Variants in SMURF2 observed in about 807,000 individuals in gnomAD.
The protein encoded by SMURF2 is E3 ubiquitin-protein ligase SMURF2.
A neutral mutation model predicts 109.6 loss-of-function variants in SMURF2; 48 were observed. The observed-to-expected ratio is 0.44, with a 90% confidence interval of 0.35 to 0.56. The LOEUF is 0.56. SMURF2 is among the 20% of genes least tolerant of loss of function. SMURF2 has a pLI of 0.01. For missense variants in SMURF2, 575 were observed against 909.0 expected, an observed-to-expected ratio of 0.63 and a Z score of 4.72; for synonymous variants, 288 against 317.1, an observed-to-expected ratio of 0.91 and a Z score of 0.97.
chr17:64,592,027 G>C (rs1476877476), intron 4 of SMURF2, among the ~76,000 whole-genome samples: 1 of 152,142 alleles, frequency 6.6e-6, no homozygotes, highest in African/African-American at 2.4e-5. Flanking sequence ...CAAAAATACA[G>C]ACATTTTTCC....
chr17:64,580,289 T>C (rs1555686433), intron 8 of SMURF2, among the ~76,000 whole-genome samples: 2 of 152,230 alleles, frequency 1.3e-5, no homozygotes, highest in South Asian at 2.1e-4. Context: ...AATCATTTTA[T>C]ACAAACATAG....
intron 1 of SMURF2, among the ~76,000 whole-genome samples, chr17:64,629,598 G>A (rs1169572211): frequency 6.6e-6 from 1 of 152,154 alleles, no homozygotes; most frequent in Admixed American, 6.5e-5. Context: ...TAAATTGCAA[G>A]CAGTCATTTG....
At chr17:64,551,436 A>G in intron 16 of SMURF2, 148 bp downstream of exon 16, 1 of 828,096 alleles carries the variant, frequency 1.2e-6, no homozygotes, top group East Asian at 2.7e-5. Flanking sequence ...AAAGCATGAA[A>G]GACTTTTCCT....
intron 10 of SMURF2, among the ~76,000 whole-genome samples, chr17:64,567,028 G>A (rs1298603060): frequency 6.6e-6 from 1 of 150,696 alleles, no homozygotes; most frequent in Admixed American, 6.6e-5. Flanking sequence ...GCACCACCAC[G>A]CCTACTTTTT....
At chr17:64,596,493 A>G (rs1349481364) in intron 3 of SMURF2, among the ~76,000 whole-genome samples, 1 of 149,194 alleles carries the variant, frequency 6.7e-6, no homozygotes, top group East Asian at 2.0e-4. Context: ...GTCAAAGTAT[A>G]TCTTCTGATA....
rs1165818691 is a variant in SMURF2 at position 64,543,809 on chromosome 17, T to C, written c.*2039A>G. 2 of 152,212 alleles carry C rather than the reference T, an allele frequency of 1.3e-5. No homozygotes were observed. The highest frequency in any genetic ancestry group is 2.9e-5 in the Non-Finnish European group (2 of 68,034). 9.4% of individuals were successfully genotyped at this position (152,212 alleles called of 1,614,324 possible). A position where few individuals can be genotyped will look rare whatever the true frequency, so the allele number is the denominator to read the frequency against. On this transcript the variant is annotated 3_prime_UTR_variant, in exon 19 of 19. Coordinates refer to ENST00000262435, the MANE Select transcript of SMURF2 (RefSeq NM_022739.4). The stretch of plus-strand genomic sequence containing the variant: ...CTAGTGCTTTAATATAAAAGAGAGA[T>C]GGGTCTGCAACCAGTAAAGTACTAT...
At chr17:64,550,918 A>T (rs1450414477) in intron 16 of SMURF2, among the ~76,000 whole-genome samples, 2 of 152,242 alleles carry the variant, frequency 1.3e-5, no homozygotes, top group Non-Finnish European at 2.9e-5. Flanking sequence ...AAAATGGTAG[A>T]TTAATGAGGT....
chr17:64,623,889 A>G (rs1196461130), intron 1 of SMURF2, among the ~76,000 whole-genome samples: 1 of 152,260 alleles, frequency 6.6e-6, no homozygotes, highest in Admixed American at 6.5e-5. Context: ...ATCTATACGT[A>G]GACAGGAAAA....
chr17:64,604,104 A>G (rs868960093), intron 2 of SMURF2, among the ~76,000 whole-genome samples: 1 of 152,226 alleles, frequency 6.6e-6, no homozygotes, highest in African/African-American at 2.4e-5. Context: ...AACCCTTAAC[A>G]GGTCAAAAAT....
In SMURF2 at chr17:64,580,928, T is replaced by C. The variant is rs377016821; in HGVS notation, c.633A>G (p.Pro211=). ...PLSCFVDENT[P]ISGTNGATCG... ...ATGTTGCACCATTTGTTCCACTAAT[T>C]GGAGTGTTCTCATCAACAAAGCAGC... Residue 211 remains proline, a synonymous_variant, in exon 8 of 19, where the codon CCA becomes CCG. Transcript: ENST00000262435. The C allele has an allele frequency of 6.2e-7, 1 of 1,614,054 alleles. No individual in the cohort carries two copies. The highest frequency in any genetic ancestry group is 1.3e-5 in the African/African-American group (1 of 74,926).
At chr17:64,576,796 T>G (rs1336670219) in intron 9 of SMURF2, among the ~76,000 whole-genome samples, 1 of 152,008 alleles carries the variant, frequency 6.6e-6, no homozygotes, top group Non-Finnish European at 1.5e-5. Flanking sequence ...TGAACCATAA[T>G]TAAGAATATC....
intron 1 of SMURF2, among the ~76,000 whole-genome samples, chr17:64,631,304 GAGAGAGAGAGAGAGAGAGAGAGAC>G (rs1568202990): frequency 6.4e-5 from 8 of 125,376 alleles, no homozygotes; most frequent in African/African-American, 2.0e-4. Context: ...GAGAGAGAGA[GAGAGAGAGAGAGAGAGAGAGAGAC>G]AGAGAGAGAG....
intron 2 of SMURF2, among the ~76,000 whole-genome samples, chr17:64,603,738 A>C (rs1969931901): frequency 6.6e-6 from 1 of 152,112 alleles, no homozygotes; most frequent in Admixed American, 6.6e-5. Flanking sequence ...AGGGGAAGTG[A>C]CTTATTTTTA....
At chr17:64,589,233 T>C (rs1555687391) in intron 5 of SMURF2, among the ~76,000 whole-genome samples, 2 of 152,174 alleles carry the variant, frequency 1.3e-5, no homozygotes, top group Non-Finnish European at 2.9e-5. Context: ...ATACTTCTAA[T>C]GTCTAACAAA....
In SMURF2 at chr17:64,606,644, T is replaced by TAAA. The variant is rs781876772; in HGVS notation, c.53-7_53-5dup. The TAAA allele has an allele frequency of 3.4e-5, 41 of 1,219,324 alleles. No homozygotes were observed. The highest frequency in any genetic ancestry group is 5.6e-5 in the Admixed American group (2 of 35,542). The allele number at this position is 1,219,324 out of a possible 1,614,324, so 75.5% of individuals were successfully genotyped here. ...ACCAGGTTTTTTGCACAGAGTACTG[T>TAAA]AAAAAAAAAAAACAAAAAATACATG... On this transcript the variant is annotated splice_polypyrimidine_tract_variant and splice_region_variant and intron_variant, in intron 1 of 18. Transcript: ENST00000262435.
intron 15 of SMURF2, 50 bp downstream of exon 15, chr17:64,554,806 A>T: frequency 1.3e-6 from 2 of 1,564,586 alleles, no homozygotes; most frequent in Non-Finnish European, 1.8e-6. Flanking sequence ...TCATACTAAC[A>T]TTCTAGAACA....
At chr17:64,599,593 C>T (rs1156775025) in intron 2 of SMURF2, among the ~76,000 whole-genome samples, 6 of 152,188 alleles carry the variant, frequency 3.9e-5, no homozygotes, top group Non-Finnish European at 7.3e-5. Flanking sequence ...TGAGCTCCGC[C>T]TTCTGTCAGA....
At chr17:64,640,151 T>G (rs1970475772) in intron 1 of SMURF2, among the ~76,000 whole-genome samples, 1 of 152,208 alleles carries the variant, frequency 6.6e-6, no homozygotes, top group East Asian at 1.9e-4. Context: ...AAATCAAAAG[T>G]TTATTTTTAA....
At chr17:64,585,501 A>G (rs1256552345) in intron 6 of SMURF2, among the ~76,000 whole-genome samples, 2 of 152,228 alleles carry the variant, frequency 1.3e-5, no homozygotes, top group Non-Finnish European at 2.9e-5. Flanking sequence ...AATATAAACC[A>G]AAGCATATGG....
Sources: gnomAD v4.1 joint callset for allele counts (sites outside exome capture counted in the v4.1 genomes callset) on GRCh38, gnomAD v4.1.1 for gene constraint, MANE v1.5 for transcripts, NCBI Gene and HGNC (gene_info 2026-07-23, HGNC 2026-07-21) for gene names.